SLC25A48: variants seen among roughly 807,000 people sequenced by gnomAD.
The protein encoded by SLC25A48 is CTC-321K16.1.
Under a neutral mutation model 32.2 loss-of-function variants are expected in SLC25A48, and 29 were observed. The observed-to-expected ratio is 0.90, with a 90% CI of 0.67 to 1.23. The LOEUF is 1.23. Among genes scored for constraint, SLC25A48 ranks in the 50% most tolerant of loss-of-function variants. The pLI, the probability that SLC25A48 is intolerant of heterozygous loss-of-function variation, is 0.00. For synonymous variants in SLC25A48, 164 were observed against 172.3 expected (o/e 0.95, Z 0.38); for missense variants, 399 against 422.7 (o/e 0.94, Z 0.49).
chr5:135,882,487 C>T (rs1226460705), intron 7 of SLC25A48, among the ~76,000 whole-genome samples: 1 of 152,040 alleles, frequency 6.6e-6, no homozygotes, highest in African/African-American at 2.4e-5. Context: ...GGATGGGGAC[C>T]ATCTCGAGAG....
intron 3 of SLC25A48, among the ~76,000 whole-genome samples, chr5:135,789,069 A>G (rs924671558): frequency 6.7e-6 from 1 of 149,350 alleles, no homozygotes; most frequent in African/African-American, 2.5e-5. Context: ...TATGGTCTGT[A>G]ATATCCGAGA....
chr5:135,752,147 A>G (rs1755785225), intron 3 of SLC25A48, among the ~76,000 whole-genome samples: 1 of 152,236 alleles, frequency 6.6e-6, no homozygotes, highest in African/African-American at 2.4e-5. Flanking sequence ...TAATATCAAA[A>G]ACACAATACA....
intron 3 of SLC25A48, among the ~76,000 whole-genome samples, chr5:135,714,497 A>C (rs1464996955): frequency 6.6e-6 from 1 of 152,190 alleles, no homozygotes; most frequent in Non-Finnish European, 1.5e-5. Flanking sequence ...TCGGGCTTGC[A>C]GTGGAAGCCA....
chr5:135,582,772 G>T (rs2126870205), intron 1 of SLC25A48, among the ~76,000 whole-genome samples: 1 of 152,222 alleles, frequency 6.6e-6, no homozygotes, highest in African/African-American at 2.4e-5. Flanking sequence ...GTGCTCACTG[G>T]CCCCTCCACC....
chr5:135,579,706 C>T (rs1458366911), intron 1 of SLC25A48: 1 of 152,300 alleles, frequency 6.6e-6, no homozygotes, highest in East Asian at 1.9e-4. Flanking sequence ...GTGTGAGTGT[C>T]TGGGTGGTGG....
At chr5:135,828,802 G>T (rs1185634118) in intron 4 of SLC25A48, among the ~76,000 whole-genome samples, 1 of 152,194 alleles carries the variant, frequency 6.6e-6, no homozygotes, top group Non-Finnish European at 1.5e-5. Flanking sequence ...GTCCTCAGGA[G>T]CCAAACTCCA....
intron 4 of SLC25A48, among the ~76,000 whole-genome samples, chr5:135,855,783 C>T (rs762440450): frequency 3.3e-5 from 5 of 152,216 alleles, no homozygotes; most frequent in South Asian, 2.1e-4. Flanking sequence ...CCCAGAGTCC[C>T]GATCTCACCT....
At chr5:135,818,121 C>CTCTA (rs1757787310) in intron 4 of SLC25A48, among the ~76,000 whole-genome samples, 1 of 129,538 alleles carries the variant, frequency 7.7e-6, no homozygotes, top group African/African-American at 2.9e-5. Flanking sequence ...CTCTCTCTCC[C>CTCTA]TCTGTTTCTG....
intron 1 of SLC25A48, among the ~76,000 whole-genome samples, chr5:135,600,814 C>G (rs1751779167): frequency 6.6e-6 from 1 of 151,620 alleles, no homozygotes; most frequent in African/African-American, 2.4e-5. Context: ...TCCCGAGCAG[C>G]TGGGACTACA....
At chr5:135,863,361 C>T (rs1760949624) in intron 4 of SLC25A48, among the ~76,000 whole-genome samples, 1 of 152,136 alleles carries the variant, frequency 6.6e-6, no homozygotes. Flanking sequence ...TGTGAGGTGC[C>T]TGTGAGATTG....
chr5:135,714,210 CGGATGGGCAGT>C (rs1561460166), intron 3 of SLC25A48, among the ~76,000 whole-genome samples: 1 of 152,114 alleles, frequency 6.6e-6, no homozygotes, highest in Admixed American at 6.5e-5. Context: ...GGGAGGCCAA[CGGATGGGCAGT>C]GTAAAGGAAG....
At chr5:135,660,755 C>CA (rs11374782) in intron 3 of SLC25A48, among the ~76,000 whole-genome samples, 152,255 of 152,256 alleles carry the variant, frequency 1, 76,127 homozygotes, top group Middle Eastern at 1. Context: ...TCGTGTCATA[C>CA]AATTACCTGG....
In SLC25A48 at chr5:135,601,580, T is replaced by G. The variant is rs116493582; in HGVS notation, c.-849+21983T>G. Among the ~76,000 whole-genome samples the G allele has an allele frequency of 8.3e-3, 1,269 of 152,290 alleles. 23 individuals carry two copies. The highest frequency in any genetic ancestry group is 7.6e-3 in the Non-Finnish European group (517 of 68,018). On this transcript the variant is annotated intron_variant, in intron 1 of 10. Transcript: ENST00000646290. ...GACTGGAACCCATGGGTCACACAGT[T>G]TTGAAGAAACTCCCTTTCCTCCCCA... is the stretch of plus-strand genomic sequence containing the variant.
chr5:135,742,828 C>T (rs1755528467), intron 3 of SLC25A48, among the ~76,000 whole-genome samples: 1 of 152,086 alleles, frequency 6.6e-6, no homozygotes, highest in Non-Finnish European at 1.5e-5. Context: ...ACATATTCTC[C>T]ACAAGGGTAG....
At chr5:135,816,716 C>T (rs1277163170) in intron 4 of SLC25A48, among the ~76,000 whole-genome samples, 1 of 152,072 alleles carries the variant, frequency 6.6e-6, no homozygotes, top group African/African-American at 2.4e-5. Flanking sequence ...TTTGCCCTCC[C>T]ACTATAAACA....
intron 4 of SLC25A48, among the ~76,000 whole-genome samples, chr5:135,823,338 A>G (rs1757940370): frequency 6.6e-6 from 1 of 152,072 alleles, no homozygotes. Flanking sequence ...GCTTTTCACT[A>G]CCTGGCACTC....
At chr5:135,880,394 G>A (rs975996965) in intron 7 of SLC25A48, among the ~76,000 whole-genome samples, 7 of 152,120 alleles carry the variant, frequency 4.6e-5, no homozygotes, top group Non-Finnish European at 8.8e-5. Flanking sequence ...TTTCAGAGAA[G>A]TACTTTTACC....
At chr5:135,839,599 C>T (rs545438553) in intron 1 of SLC25A48, among the ~76,000 whole-genome samples, 3 of 152,126 alleles carry the variant, frequency 2.0e-5, no homozygotes, top group East Asian at 3.9e-4. Context: ...TTTGGGGCGC[C>T]GTTGGGAAGG....
chr5:135,643,228 G>A (rs908809290), intron 3 of SLC25A48, among the ~76,000 whole-genome samples: 2 of 152,236 alleles, frequency 1.3e-5, no homozygotes, highest in African/African-American at 2.4e-5. Context: ...CCTGACGGGC[G>A]GTGGGGAAAA....
Sources: allele counts gnomAD v4.1 joint callset (sites outside exome capture counted in the v4.1 genomes callset), GRCh38; gene constraint gnomAD v4.1.1; transcripts MANE v1.5; gene names NCBI Gene and HGNC (gene_info 2026-07-23, HGNC 2026-07-21).